CHD7: variants seen among roughly 807,000 people sequenced by gnomAD.
CHD7 encodes ATP-dependent chromatin remodeler CHD7.
Under a neutral mutation model 307.3 loss-of-function variants are expected in CHD7, and 24 were observed. That is an observed-to-expected ratio of 0.08 (90% CI 0.06 to 0.11). The LOEUF (loss-of-function observed/expected upper bound fraction) is 0.11. CHD7 is among the 10% of genes least tolerant of loss of function. The probability of loss-of-function intolerance (pLI) is 1.00; values close to 1 mark genes in which losing one functional copy is unlikely to be tolerated. For missense variants in CHD7, 3,106 were observed against 3,727.1 expected (o/e 0.83, Z 4.34); for synonymous variants, 1,363 against 1,349.9 (o/e 1.01, Z -0.21).
At chr8:60,689,986 A>G (rs1806114365) in intron 1 of CHD7, among the ~76,000 whole-genome samples, 1 of 152,208 alleles carries the variant, frequency 6.6e-6, no homozygotes, top group South Asian at 2.1e-4. Context: ...GCTATAGATC[A>G]CAGTACTTGT....
At position 60,853,247 on chromosome 8, in the gene CHD7, A is replaced by G; in HGVS notation, c.6522A>G (p.Lys2174=). The G allele has an allele frequency of 6.2e-7, 1 of 1,613,638 alleles. No homozygotes were observed. The highest frequency in any genetic ancestry group is 8.5e-7 in the Non-Finnish European group (1 of 1,179,654). Reference sequence around the variant, plus strand: ...GGGTACTGGAACAAGCCGAAGGCAAAGTGGAGGAGCCTGAAAACCCAGCTG... The same window carrying G: ...GGGTACTGGAACAAGCCGAAGGCAAGGTGGAGGAGCCTGAAAACCCAGCTG... ...DERVLEQAEG[K]VEEPENPAAK... is the part of the protein sequence containing the mutation. The change falls in exon 31 of 38, where the codon AAA becomes AAG. Residue 2174 remains lysine (K), a synonymous_variant. Transcript: ENST00000423902.
At position 60,742,625 on chromosome 8, in the gene CHD7, C is replaced by G; in HGVS notation, c.1193C>G (p.Pro398Arg). The change falls in exon 2 of 38, where the codon CCC (proline) becomes CGC (arginine). Residue 398 changes from proline to arginine, a missense_variant. By Grantham distance (103) the Pro-to-Arg change is moderately radical. This residue lies in a region of CHD7 where 998 missense variants were observed against 1,004.5 expected (regional missense o/e 0.99). Transcript: ENST00000423902. ...TATGCCTCTCCACCTCCCATGTCACCCATGAAAGCAATGAGTAATCCAGCA... is the reference window on the plus strand; with the variant it reads ...TATGCCTCTCCACCTCCCATGTCACGCATGAAAGCAATGAGTAATCCAGCA... The part of the protein sequence containing the change: ...GTYASPPPMS[P>R]MKAMSNPAGT... 2 of 1,612,506 alleles carry G rather than the reference C, an allele frequency of 1.2e-6. No individual in the cohort carries two copies. Among genetic ancestry groups the G allele is most frequent in the Non-Finnish European group, 1.7e-6 (2 of 1,178,860 alleles).
intron 6 of CHD7, among the ~76,000 whole-genome samples, chr8:60,802,522 G>C (rs1395877219): frequency 6.6e-6 from 1 of 152,278 alleles, no homozygotes; most frequent in Non-Finnish European, 1.5e-5. Flanking sequence ...GTTTCAGCAT[G>C]TAAAACAAAC....
At chr8:60,792,136 A>G (rs962472848) in intron 3 of CHD7, among the ~76,000 whole-genome samples, 32 of 152,238 alleles carry the variant, frequency 2.1e-4, no homozygotes, top group African/African-American at 7.5e-4. Context: ...CCATGGTCCC[A>G]GCCTATAAAT....
chr8:60,750,543 T>TAA (rs1809590022), intron 2 of CHD7, among the ~76,000 whole-genome samples: 1 of 152,256 alleles, frequency 6.6e-6, no homozygotes, highest in African/African-American at 2.4e-5. Flanking sequence ...GATTTTCTGG[T>TAA]AACCACATTT....
At chr8:60,706,925 T>C (rs1019422114) in intron 1 of CHD7, among the ~76,000 whole-genome samples, 1 of 152,162 alleles carries the variant, frequency 6.6e-6, no homozygotes, top group African/African-American at 2.4e-5. Context: ...ACCCATTAAC[T>C]CGTCATTTAC....
chr8:60,862,175 AAT>A lies in CHD7; in HGVS notation c.7831-18_7831-17del, dbSNP rs1806028309. ...TAAGTACTAAATACCAATTTTACTA[AAT>A]ATGTTTTTTCTTTTGCAGAAGAATG... On this transcript the variant is annotated intron_variant, in intron 35 of 37. Coordinates refer to ENST00000423902, the MANE Select transcript of CHD7 (RefSeq NM_017780.4). The A allele has an allele frequency of 6.3e-7, 1 of 1,588,354 alleles. No individual in the cohort carries two copies. Among genetic ancestry groups the A allele is most frequent in the Middle Eastern group, 1.7e-4 (1 of 5,968 alleles).
chr8:60,793,703 A>G (rs1459365148), intron 3 of CHD7, among the ~76,000 whole-genome samples: 2 of 152,236 alleles, frequency 1.3e-5, no homozygotes, highest in Non-Finnish European at 2.9e-5. Flanking sequence ...GGTTTTTGAA[A>G]TACAGCTTTT....
intron 1 of CHD7, among the ~76,000 whole-genome samples, chr8:60,680,029 C>G (rs938090735): frequency 1.3e-4 from 20 of 151,392 alleles, no homozygotes; most frequent in Admixed American, 1.2e-3. Context: ...CCCACCTTGT[C>G]GAGCTGGCCG....
chr8:60,815,169 T>C (rs1803668610), intron 7 of CHD7, among the ~76,000 whole-genome samples: 1 of 152,234 alleles, frequency 6.6e-6, no homozygotes, highest in Non-Finnish European at 1.5e-5. Flanking sequence ...AAGGACTAAA[T>C]GAGTCCTATC....
chr8:60,761,648 A>AG (rs1454094824), intron 2 of CHD7, among the ~76,000 whole-genome samples: 2 of 151,810 alleles, frequency 1.3e-5, no homozygotes, highest in Non-Finnish European at 2.9e-5. Flanking sequence ...ATGTTCATCC[A>AG]GGCTTCCCTA....
rs556229518 is a variant in CHD7, at chr8:60,743,736, TATC to T, written c.1665+642_1665+644del. On this transcript the variant is annotated intron_variant, in intron 2 of 37. Transcript: ENST00000423902. ...CTTTTTTGTAAGCTGACGTTTTTGTTATCATTCAGAATTTATAAAAGAACAGAT... is the reference window on the plus strand; with the variant it reads ...CTTTTTTGTAAGCTGACGTTTTTGTTATTCAGAATTTATAAAAGAACAGAT... 1.2e-4 allele frequency among the ~76,000 whole-genome samples: 19 copies of T among 152,388 alleles called. No individual in the cohort carries two copies. The South Asian group carries it at 3.7e-3, about 30-fold the overall frequency.
At chr8:60,811,826 C>A (rs1193542707) in intron 7 of CHD7, among the ~76,000 whole-genome samples, 1 of 152,158 alleles carries the variant, frequency 6.6e-6, no homozygotes, top group East Asian at 1.9e-4. Flanking sequence ...TGTTTCCCCA[C>A]AACCTTTCTA....
chr8:60,683,019 A>G (rs1373282298), intron 1 of CHD7, among the ~76,000 whole-genome samples: 3 of 152,240 alleles, frequency 2.0e-5, no homozygotes, highest in Non-Finnish European at 4.4e-5. Flanking sequence ...TGATGTCAGC[A>G]ATATATTGGC....
chr8:60,862,384 G>A (rs759111787), intron 36 of CHD7, 48 bp downstream of exon 36: 3 of 1,563,832 alleles, frequency 1.9e-6, no homozygotes, highest in Non-Finnish European at 2.6e-6. Context: ...TCTTAGCCCA[G>A]AAGGAAGTGT....
Position 60,742,709 on chromosome 8 carries a change from G to A in CHD7, c.1277G>A (p.Ser426Asn), listed in dbSNP as rs1376601472. Residue 426 changes from serine (S) to asparagine (N), a missense_variant, in exon 2 of 38, where the codon AGT becomes AAT. This residue lies in a region of CHD7 where 998 missense variants were observed against 1,004.5 expected (regional missense o/e 0.99). Transcript: ENST00000423902. Reference sequence around the variant, plus strand: ...GCTGGGATACCAATGGAAGTTGGCAGTTATCCAAATATGCCCCATCCTCAG... The same window carrying A: ...GCTGGGATACCAATGGAAGTTGGCAATTATCCAAATATGCCCCATCCTCAG... ...GSAGIPMEVG[S>N]YPNMPHPQPS... is the part of the protein sequence containing the mutation. The A allele has an allele frequency of 1.2e-6, 2 of 1,612,910 alleles. No homozygotes were observed. The highest frequency in any genetic ancestry group is 2.7e-5 in the African/African-American group (2 of 75,024).
intron 23 of CHD7, among the ~76,000 whole-genome samples, chr8:60,846,480 G>A (rs985380622): frequency 6.6e-6 from 1 of 152,154 alleles, no homozygotes; most frequent in African/African-American, 2.4e-5. Context: ...TTCTGAATAT[G>A]CATTTTTCCG....
intron 16 of CHD7, 76 bp from the exon 17 acceptor site, chr8:60,836,741 A>T: frequency 9.8e-7 from 1 of 1,018,922 alleles, no homozygotes. Flanking sequence ...ATATTGTAAT[A>T]ATTAAAAATT....
Position 60,862,340 on chromosome 8 carries a change from A to G in CHD7, c.7971+4A>G, listed in dbSNP as rs1806035017. On this transcript the variant is annotated splice_donor_region_variant and intron_variant, in intron 36 of 37. Transcript: ENST00000423902. ...CAATAAACGAAATGGGAAGAAGGTAAACGCTGGGAAAGGGAATTGATCACT... is the reference window on the plus strand; with the variant it reads ...CAATAAACGAAATGGGAAGAAGGTAGACGCTGGGAAAGGGAATTGATCACT... The G allele has an allele frequency of 6.3e-7, 1 of 1,598,400 alleles. No individual in the cohort carries two copies. The highest frequency in any genetic ancestry group is 8.5e-7 in the Non-Finnish European group (1 of 1,172,840).
Sources: allele counts gnomAD v4.1 joint callset (sites outside exome capture counted in the v4.1 genomes callset), GRCh38; gene constraint gnomAD v4.1.1; regional missense constraint gnomAD v4.1.1; transcripts MANE v1.5; gene names NCBI Gene and HGNC (gene_info 2026-07-23, HGNC 2026-07-21).